The following ILDR2 variants were observed in gnomAD, a reference collection of about 807,000 sequenced individuals.
The protein encoded by ILDR2 is immunoglobulin like domain containing receptor 2.
A neutral mutation model predicts 66.8 loss-of-function variants in ILDR2; 25 were observed. The observed-to-expected ratio is 0.37, with a 90% CI of 0.27 to 0.52. The LOEUF (loss-of-function observed/expected upper bound fraction) is 0.52. Among genes scored for constraint, ILDR2 ranks in the 20% least tolerant of loss-of-function variants. The probability of loss-of-function intolerance (pLI) is 0.88; values close to 1 mark genes in which losing one functional copy is unlikely to be tolerated. For missense variants in ILDR2, 827 were observed against 876.8 expected (o/e 0.94, Z 0.72); for synonymous variants, 367 against 357.2 (o/e 1.03, Z -0.31).
intron 3 of ILDR2, among the ~76,000 whole-genome samples, chr1:166,942,105 T>C (rs192623787): frequency 2.0e-5 from 3 of 152,370 alleles, no homozygotes; most frequent in Admixed American, 1.3e-4. Context: ...AATGGAGTAG[T>C]CTACAAACAG....
At position 166,910,849 on chromosome 1, in the gene ILDR2, ATTAT is replaced by A. The variant is rs1659457538; in HGVS notation, c.*8502_*8505del. ...ATTAGATAATCATAGGGAAAAATGA[ATTAT>A]TTGTTTTGCCTAATTTTAATCCATC... On this transcript the variant is annotated 3_prime_UTR_variant, in exon 10 of 10. Transcript: ENST00000271417. 6.6e-6 allele frequency: 1 copy of A among 152,220 alleles called. No homozygotes were observed. Among genetic ancestry groups the A allele is most frequent in the Non-Finnish European group, 1.5e-5 (1 of 68,044 alleles). 9.4% of individuals were successfully genotyped at this position (152,220 alleles called of 1,614,324 possible).
chr1:166,909,781 T>TATATAAA lies in ILDR2; in HGVS notation c.*9573_*9574insTTTATAT, dbSNP rs1557921377. The TATATAAA allele has an allele frequency of 4.7e-5, 3 of 64,242 alleles. 1 individual carries two copies. The highest frequency in any genetic ancestry group is 3.2e-4 in the Admixed American group (2 of 6,344). The allele number at this position is 64,242 out of a possible 1,614,324, so 4.0% of individuals were successfully genotyped here. A position where few individuals can be genotyped will look rare whatever the true frequency, so the allele number is the denominator to read the frequency against. ...TATAAATATATATAAATATATATAT[T>TATATAAA]TATATATATATATATATATATATAT... On this transcript the variant is annotated 3_prime_UTR_variant, in exon 10 of 10. Transcript: ENST00000271417.
chr1:166,974,945 G>A (rs1663505665), intron 1 of ILDR2, among the ~76,000 whole-genome samples: 1 of 152,068 alleles, frequency 6.6e-6, no homozygotes, highest in Admixed American at 6.5e-5. Context: ...AACAACCTCA[G>A]CGCCAATGAG....
At chr1:166,906,073 G>A (rs1160703762), downstream of ILDR2, among the ~76,000 whole-genome samples, 3 of 152,182 alleles carry the variant, frequency 2.0e-5, no homozygotes, top group Non-Finnish European at 4.4e-5. Flanking sequence ...ATGTAAAAGT[G>A]TTTGCGCTTA....
intron 6 of ILDR2, among the ~76,000 whole-genome samples, chr1:166,929,215 A>G (rs967067904): frequency 1.3e-5 from 2 of 152,214 alleles, no homozygotes; most frequent in Non-Finnish European, 2.9e-5. Context: ...ATAATCTCTT[A>G]AAGATGAGAG....
chr1:166,947,334 C>T (rs182835975), intron 3 of ILDR2, among the ~76,000 whole-genome samples: 88 of 152,302 alleles, frequency 5.8e-4, no homozygotes, highest in Admixed American at 9.8e-4. Context: ...CAAAAAAGGC[C>T]CTGGCGGTCT....
intron 1 of ILDR2, among the ~76,000 whole-genome samples, chr1:166,969,036 C>T (rs1223055705): frequency 6.6e-6 from 1 of 152,174 alleles, no homozygotes; most frequent in East Asian, 1.9e-4. Context: ...GTGTGCCAAA[C>T]ATTGTGCTAG....
chr1:166,922,698 C>T lies in ILDR2; in HGVS notation c.1106G>A (p.Ser369Asn), dbSNP rs1337392734. The T allele has an allele frequency of 6.2e-7, 1 of 1,614,214 alleles. No homozygotes were observed. The highest frequency in any genetic ancestry group is 1.7e-5 in the Admixed American group (1 of 60,034). ...GACACCTGACCAATAGTCAGGATTG[C>T]TCTCCAAGTCCCCAGACACAGGGAA... ...KQFPVSGDLE[S>N]NPDYWSGVMG... Residue 369 changes from serine (S) to asparagine (N), a missense_variant, in exon 8 of 10, where the codon AGC (serine) becomes AAC (asparagine). Physicochemically the swap from Ser to Asn is conservative, Grantham distance 46. Coordinates refer to ENST00000271417, the MANE Select transcript of ILDR2 (RefSeq NM_199351.3).
intron 3 of ILDR2, among the ~76,000 whole-genome samples, chr1:166,952,319 C>A (rs559600094): frequency 7.9e-5 from 12 of 152,278 alleles, no homozygotes; most frequent in Admixed American, 6.5e-4. Context: ...GCTGGTATGG[C>A]CCTATGATCC....
In ILDR2 at chr1:166,918,937, A is replaced by C. The variant is rs1397009359; in HGVS notation, c.*418T>G. Reference sequence around the variant, plus strand: ...AAGAAGGCCTTCTAATAGTAGTAATAAATTCTTCTGTCTCTAAGTATAGCA... The same window carrying C: ...AAGAAGGCCTTCTAATAGTAGTAATCAATTCTTCTGTCTCTAAGTATAGCA... On this transcript the variant is annotated 3_prime_UTR_variant, in exon 10 of 10. Coordinates refer to ENST00000271417, the MANE Select transcript of ILDR2 (RefSeq NM_199351.3). 2 of 288,962 alleles carry C rather than the reference A, an allele frequency of 6.9e-6. No individual in the cohort carries two copies. The highest frequency in any genetic ancestry group is 1.3e-5 in the Non-Finnish European group (2 of 157,266). 17.9% of individuals were successfully genotyped at this position (288,962 alleles called of 1,614,324 possible).
chr1:166,919,240 C>T lies in ILDR2; in HGVS notation c.*115G>A. 1 of 990,860 alleles carries T rather than the reference C, an allele frequency of 1.0e-6. No homozygotes were observed. Among genetic ancestry groups the T allele is most frequent in the Non-Finnish European group, 1.6e-6 (1 of 642,696 alleles). The allele number at this position is 990,860 out of a possible 1,614,324, so 61.4% of individuals were successfully genotyped here. ...CATCCCTTGCCAAAGCAGAGATCAG[C>T]AAATCTTCCAAGGTGATGGCCAGAG... is the stretch of plus-strand genomic sequence containing the variant. On this transcript the variant is annotated 3_prime_UTR_variant, in exon 10 of 10. Transcript: ENST00000271417.
chr1:166,961,197 C>A (rs1255607964), intron 1 of ILDR2, among the ~76,000 whole-genome samples: 1 of 152,118 alleles, frequency 6.6e-6, no homozygotes, highest in Non-Finnish European at 1.5e-5. Flanking sequence ...GTGTACAGAC[C>A]ATTTCATCAC....
rs1659454476 is a variant in ILDR2 at position 166,910,680 on chromosome 1, T to C, written c.*8675A>G. ...CTGATAAGTATTCAGGAAATGCTTATAACCAATTCAGCAGAAAATATAATT... is the reference window on the plus strand; with the variant it reads ...CTGATAAGTATTCAGGAAATGCTTACAACCAATTCAGCAGAAAATATAATT... On this transcript the variant is annotated 3_prime_UTR_variant, in exon 10 of 10. Transcript: ENST00000271417. 6.6e-6 allele frequency: 1 copy of C among 152,260 alleles called. No individual in the cohort carries two copies. Among genetic ancestry groups the C allele is most frequent in the South Asian group, 2.1e-4 (1 of 4,834 alleles). 9.4% of individuals were successfully genotyped at this position (152,260 alleles called of 1,614,324 possible). A position where few individuals can be genotyped will look rare whatever the true frequency, so the allele number is the denominator to read the frequency against.
intron 7 of ILDR2, among the ~76,000 whole-genome samples, chr1:166,925,410 C>T (rs989105461): frequency 1.3e-5 from 2 of 152,186 alleles, no homozygotes; most frequent in Non-Finnish European, 2.9e-5. Context: ...CTGGCACTGG[C>T]ACTGAGTACT....
intron 1 of ILDR2, among the ~76,000 whole-genome samples, chr1:166,966,625 C>A (rs1662968519): frequency 6.6e-6 from 1 of 152,208 alleles, no homozygotes; most frequent in Non-Finnish European, 1.5e-5. Context: ...GCCATCACTG[C>A]GTAGGTAAAA....
Position 166,908,646 on chromosome 1 carries a change from G to C in ILDR2, c.*10709C>G, listed in dbSNP as rs1211290813. ...GAAGGTGAATAATTAGGAGACAACA[G>C]GAAGTAGGAGACAAGAAATGAGGGT... On this transcript the variant is annotated 3_prime_UTR_variant, in exon 10 of 10. Coordinates refer to ENST00000271417, the MANE Select transcript of ILDR2 (RefSeq NM_199351.3). The C allele has an allele frequency of 6.6e-6, 1 of 152,266 alleles. No homozygotes were observed. The highest frequency in any genetic ancestry group is 1.5e-5 in the Non-Finnish European group (1 of 68,076). The allele number at this position is 152,266 out of a possible 1,614,324, so 9.4% of individuals were successfully genotyped here.
chr1:166,931,000 T>C (rs772318513), intron 6 of ILDR2, among the ~76,000 whole-genome samples: 27 of 152,216 alleles, frequency 1.8e-4, no homozygotes, highest in Non-Finnish European at 2.9e-4. Flanking sequence ...TTAAGATTGA[T>C]GGATGATTTA....
intron 6 of ILDR2, among the ~76,000 whole-genome samples, chr1:166,933,995 A>T (rs933563172): frequency 2.0e-5 from 3 of 152,194 alleles, no homozygotes; most frequent in African/African-American, 7.2e-5. Context: ...CCACTTCACA[A>T]TGGAGGCAGT....
chr1:166,901,116 G>T (rs553196243), intron 2 of ILDR2, among the ~76,000 whole-genome samples: 4 of 152,230 alleles, frequency 2.6e-5, no homozygotes, highest in Admixed American at 2.6e-4. Flanking sequence ...ATCAGAGTTG[G>T]TGGCCTGGAA....
Sources: allele counts gnomAD v4.1 joint callset (sites outside exome capture counted in the v4.1 genomes callset), GRCh38; gene constraint gnomAD v4.1.1; transcripts MANE v1.5; gene names NCBI Gene and HGNC (gene_info 2026-07-23, HGNC 2026-07-21).